The following DUSP16 variants were observed in gnomAD, a reference collection of about 807,000 sequenced individuals.
The protein encoded by DUSP16 is dual specificity phosphatase 16.
DUSP16 carries 21 observed loss-of-function variants against 58.3 expected under a neutral mutation model. The observed-to-expected ratio is 0.36, with a 90% CI of 0.26 to 0.52. The LOEUF (loss-of-function observed/expected upper bound fraction) is 0.52. Ranked by LOEUF, DUSP16 falls within the 20% of genes least tolerant of loss-of-function variation. The probability of loss-of-function intolerance (pLI) is 0.94; values close to 1 mark genes in which losing one functional copy is unlikely to be tolerated. For synonymous variants in DUSP16, 320 were observed against 323.8 expected, an observed-to-expected ratio of 0.99 and a Z score of 0.12; for missense variants, 726 against 819.0, an observed-to-expected ratio of 0.89 and a Z score of 1.39.
At chr12:12,478,708 G>C (rs1351732878) in intron 6 of DUSP16, among the ~76,000 whole-genome samples, 1 of 152,150 alleles carries the variant, frequency 6.6e-6, no homozygotes, top group Admixed American at 6.5e-5. Flanking sequence ...CAAAAGTACA[G>C]TATAACAGCC....
At chr12:12,488,094 G>A (rs1943710350) in intron 4 of DUSP16, among the ~76,000 whole-genome samples, 1 of 152,166 alleles carries the variant, frequency 6.6e-6, no homozygotes, top group Non-Finnish European at 1.5e-5. Context: ...TTAACCCCAA[G>A]CTGGGTGCTT....
rs1353147971 is a variant in DUSP16, at chr12:12,562,571, G to T, written c.-820C>A. On this transcript the variant is annotated 5_prime_UTR_variant, in exon 1 of 7. Coordinates refer to ENST00000298573, the MANE Select transcript of DUSP16 (RefSeq NM_030640.3). Reference sequence around the variant, plus strand: ...AAAGAGGGGGAAAGGCGGGGGGGTGGGGTGGGGGGTTGGGGGAAAGAGAAA... The same window carrying T: ...AAAGAGGGGGAAAGGCGGGGGGGTGTGGTGGGGGGTTGGGGGAAAGAGAAA... Among the ~76,000 whole-genome samples, 1 of 146,090 alleles carries T rather than the reference G, an allele frequency of 6.8e-6. No homozygotes were observed. The highest frequency in any genetic ancestry group is 2.1e-4 in the East Asian group (1 of 4,786).
Position 12,477,945 on chromosome 12 carries a change from T to C in DUSP16, c.886A>G (p.Lys296Glu). 1 of 1,614,164 alleles carries C rather than the reference T, an allele frequency of 6.2e-7. No individual in the cohort carries two copies. The highest frequency in any genetic ancestry group is 1.1e-5 in the South Asian group (1 of 91,086). Residue 296 changes from lysine (K) to glutamate (E), a missense_variant, in exon 7 of 7, where the codon AAG becomes GAG. By Grantham distance (56) the Lys-to-Glu change is moderately conservative. Coordinates refer to ENST00000298573, the MANE Select transcript of DUSP16 (RefSeq NM_030640.3). The surrounding 1 kb of genome is among the most constrained non-coding windows in gnomAD (Gnocchi z 4.1). ...NFLGQLLDYEKKIKNQTGASG... is the reference protein window; with the variant it reads ...NFLGQLLDYEEKIKNQTGASG... ...GCTCCAGTCTGGTTCTTAATCTTCT[T>C]CTCATAGTCCAGGAGTTGGCCCAGA...
At chr12:12,545,442 C>CT (rs71436720) in intron 1 of DUSP16, among the ~76,000 whole-genome samples, 48,424 of 131,896 alleles carry the variant, frequency 0.37, 9,007 homozygotes, top group Middle Eastern at 0.51. Flanking sequence ...AATTTGTGTA[C>CT]TTTTTTTTTT....
At chr12:12,481,575 T>G (rs1460264008) in intron 5 of DUSP16, among the ~76,000 whole-genome samples, 1 of 152,208 alleles carries the variant, frequency 6.6e-6, no homozygotes, top group African/African-American at 2.4e-5. Context: ...AAATATAAGT[T>G]TCTAGTGTAA....
intron 1 of DUSP16, among the ~76,000 whole-genome samples, chr12:12,553,575 C>T (rs1177504505): frequency 6.6e-6 from 1 of 152,242 alleles, no homozygotes; most frequent in African/African-American, 2.4e-5. Flanking sequence ...CAGGGTCTCA[C>T]TCTGTTGCCC....
intron 3 of DUSP16, among the ~76,000 whole-genome samples, chr12:12,508,830 T>C (rs1359123508): frequency 3.3e-5 from 5 of 152,184 alleles, no homozygotes; most frequent in East Asian, 1.9e-4. Flanking sequence ...ACAACAGTTA[T>C]GACATACACA....
At chr12:12,539,714 C>G (rs1039149533) in intron 1 of DUSP16, among the ~76,000 whole-genome samples, 3 of 148,446 alleles carry the variant, frequency 2.0e-5, no homozygotes, top group Admixed American at 6.8e-5. Flanking sequence ...AAATAAAGGA[C>G]GTCACCACCC....
chr12:12,550,345 A>G (rs746998842), intron 1 of DUSP16, among the ~76,000 whole-genome samples: 11 of 152,128 alleles, frequency 7.2e-5, no homozygotes, highest in Non-Finnish European at 1.6e-4. Flanking sequence ...TTACACCAGC[A>G]GTTTTCAAAG....
In DUSP16 at chr12:12,474,436, T is replaced by G. The variant is rs1436094179; in HGVS notation, c.*2397A>C. The G allele has an allele frequency of 6.6e-6, 1 of 152,270 alleles. No homozygotes were observed. Among genetic ancestry groups the G allele is most frequent in the Non-Finnish European group, 1.5e-5 (1 of 68,054 alleles). The allele number at this position is 152,270 out of a possible 1,614,324, so 9.4% of individuals were successfully genotyped here. ...GCACTTCTCACATAGAAGTCTAGTTTTGCTCTTTAAAATCACCATCTGTAT... is the reference window on the plus strand; with the variant it reads ...GCACTTCTCACATAGAAGTCTAGTTGTGCTCTTTAAAATCACCATCTGTAT... On this transcript the variant is annotated 3_prime_UTR_variant, in exon 7 of 7. Transcript: ENST00000298573.
intron 1 of DUSP16, among the ~76,000 whole-genome samples, chr12:12,549,337 T>C (rs918316111): frequency 2.0e-5 from 3 of 152,128 alleles, no homozygotes; most frequent in African/African-American, 7.2e-5. Context: ...TTCAATTATA[T>C]GTGCATCTCC....
chr12:12,524,571 G>A (rs866925024), intron 1 of DUSP16, among the ~76,000 whole-genome samples: 2 of 152,044 alleles, frequency 1.3e-5, no homozygotes, highest in Non-Finnish European at 2.9e-5. Context: ...CTTTGCATTA[G>A]GTAAGATTTG....
At chr12:12,515,539 G>A (rs1944136086) in intron 3 of DUSP16, among the ~76,000 whole-genome samples, 1 of 152,020 alleles carries the variant, frequency 6.6e-6, no homozygotes, top group East Asian at 1.9e-4. Flanking sequence ...CATTGGTCAG[G>A]CTGGTTACGA....
chr12:12,507,610 G>A (rs1221411381), intron 3 of DUSP16, among the ~76,000 whole-genome samples: 1 of 111,810 alleles, frequency 8.9e-6, no homozygotes, highest in Non-Finnish European at 2.3e-5. Context: ...TTAAATTCTT[G>A]TTGTTGTTGT....
intron 3 of DUSP16, among the ~76,000 whole-genome samples, chr12:12,505,702 AG>A (rs1452459066): frequency 6.6e-6 from 1 of 152,234 alleles, no homozygotes; most frequent in African/African-American, 2.4e-5. Flanking sequence ...GGACCTCAAA[AG>A]TAAGTGTGGC....
chr12:12,540,285 T>C (rs1944532375), intron 1 of DUSP16, among the ~76,000 whole-genome samples: 1 of 151,834 alleles, frequency 6.6e-6, no homozygotes, highest in Non-Finnish European at 1.5e-5. Context: ...TGAGCTATGA[T>C]TGCCACTGCA....
At position 12,473,284 on chromosome 12, in the gene DUSP16, T is replaced by C. The variant is rs966825689; in HGVS notation, c.*3549A>G. Reference sequence around the variant, plus strand: ...ACCGCCCCCAGCCTCCCCTCTTAGTTTAATTCCTGGTCTAATTGTAGTTGT... The same window carrying C: ...ACCGCCCCCAGCCTCCCCTCTTAGTCTAATTCCTGGTCTAATTGTAGTTGT... On this transcript the variant is annotated 3_prime_UTR_variant, in exon 7 of 7. Transcript: ENST00000298573. 3.5e-4 allele frequency among the ~76,000 whole-genome samples: 54 copies of C among 152,234 alleles called. No individual in the cohort carries two copies. Among genetic ancestry groups the C allele is most frequent in the African/African-American group, 1.2e-3 (48 of 41,540 alleles).
intron 1 of DUSP16, among the ~76,000 whole-genome samples, chr12:12,524,976 A>C (rs1327869573): frequency 6.6e-6 from 1 of 152,174 alleles, no homozygotes; most frequent in Non-Finnish European, 1.5e-5. Context: ...ATTATCCTCC[A>C]TCTGCCTGGG....
chr12:12,543,250 T>C (rs1014284731), intron 1 of DUSP16, among the ~76,000 whole-genome samples: 3 of 152,194 alleles, frequency 2.0e-5, no homozygotes, highest in Non-Finnish European at 4.4e-5. Context: ...GGTTGACAAC[T>C]GTACTGTGGG....
Sources: allele counts gnomAD v4.1 joint callset (sites outside exome capture counted in the v4.1 genomes callset), GRCh38; gene constraint gnomAD v4.1.1; non-coding constraint Gnocchi (gnomAD v3.1); transcripts MANE v1.5; gene names NCBI Gene and HGNC (gene_info 2026-07-23, HGNC 2026-07-21).